The following ROBO2 variants were observed in gnomAD, a reference collection of about 807,000 sequenced individuals.
ROBO2 encodes the protein roundabout homolog 2.
ROBO2 carries 53 observed loss-of-function variants against 160.8 expected under a neutral mutation model. The observed-to-expected ratio is 0.33, with a 90% CI of 0.26 to 0.41. The LOEUF is 0.41. Among genes scored for constraint, ROBO2 ranks in the 10% least tolerant of loss-of-function variants. The pLI is 1.00. For missense variants in ROBO2, 1,577 were observed against 1,722.4 expected (o/e 0.92, Z 1.49); for synonymous variants, 664 against 611.7 (o/e 1.09, Z -1.26).
At chr3:77,213,282 C>T (rs1395340161) in intron 2 of ROBO2, among the ~76,000 whole-genome samples, 1 of 152,018 alleles carries the variant, frequency 6.6e-6, no homozygotes, top group Non-Finnish European at 1.5e-5. Flanking sequence ...TTCAGAGATT[C>T]AACTTCTTCC....
At chr3:77,389,260 C>T (rs1248992948) in intron 2 of ROBO2, among the ~76,000 whole-genome samples, 4 of 152,036 alleles carry the variant, frequency 2.6e-5, no homozygotes, top group African/African-American at 7.2e-5. Context: ...ATTTTTTTAA[C>T]CCACTTTCTT....
intron 2 of ROBO2, among the ~76,000 whole-genome samples, chr3:76,565,580 G>A (rs2084466058): frequency 6.6e-6 from 1 of 152,116 alleles, no homozygotes; most frequent in Non-Finnish European, 1.5e-5. Flanking sequence ...GAAACTTGTG[G>A]ATTTGCATTT....
chr3:76,704,185 CT>C (rs2093108428), intron 2 of ROBO2, among the ~76,000 whole-genome samples: 1 of 152,096 alleles, frequency 6.6e-6, no homozygotes, highest in Non-Finnish European at 1.5e-5. Context: ...TTTGACACAA[CT>C]TCTTCCCTCA....
chr3:76,711,731 G>C (rs1172865386), intron 2 of ROBO2, among the ~76,000 whole-genome samples: 3 of 152,086 alleles, frequency 2.0e-5, no homozygotes, highest in Non-Finnish European at 4.4e-5. Context: ...GCACCATGCT[G>C]CTTCTCACTT....
chr3:76,614,060 G>A (rs2088368369), intron 2 of ROBO2, among the ~76,000 whole-genome samples: 1 of 151,906 alleles, frequency 6.6e-6, no homozygotes, highest in Non-Finnish European at 1.5e-5. Context: ...ATACTATGGT[G>A]CAGGCAGATG....
chr3:77,007,598 G>T (rs1398107244), intron 2 of ROBO2, among the ~76,000 whole-genome samples: 1 of 152,022 alleles, frequency 6.6e-6, no homozygotes, highest in Non-Finnish European at 1.5e-5. Flanking sequence ...TTCTTAAAGG[G>T]ATTTTTGTAT....
At chr3:76,674,598 T>TCACACGCACA (rs1553863150) in intron 2 of ROBO2, among the ~76,000 whole-genome samples, 59 of 148,068 alleles carry the variant, frequency 4.0e-4, no homozygotes, top group African/African-American at 1.4e-3. Context: ...ACCTCCTAGT[T>TCACACGCACA]CACACACACA....
intron 2 of ROBO2, among the ~76,000 whole-genome samples, chr3:77,456,883 G>A (rs2081702420): frequency 6.6e-6 from 1 of 151,248 alleles, no homozygotes; most frequent in Non-Finnish European, 1.5e-5. Flanking sequence ...GTGTAGATAT[G>A]GCAATGTGAG....
At chr3:76,876,539 G>A (rs2072741867) in intron 2 of ROBO2, among the ~76,000 whole-genome samples, 1 of 152,116 alleles carries the variant, frequency 6.6e-6, no homozygotes, top group Non-Finnish European at 1.5e-5. Flanking sequence ...GCCAGGCATG[G>A]TGGTGCATGC....
intron 2 of ROBO2, among the ~76,000 whole-genome samples, chr3:77,008,638 A>T (rs2061708254): frequency 6.6e-6 from 1 of 152,178 alleles, no homozygotes; most frequent in Non-Finnish European, 1.5e-5. Flanking sequence ...AAGGCGATGC[A>T]GCATATACGT....
At chr3:76,549,666 G>A (rs1455743449) in intron 2 of ROBO2, among the ~76,000 whole-genome samples, 5 of 152,128 alleles carry the variant, frequency 3.3e-5, no homozygotes, top group Non-Finnish European at 5.9e-5. Flanking sequence ...CATCAATAAC[G>A]TAGTGACGCA....
At chr3:76,005,070 G>A (rs2065983062) in intron 2 of ROBO2, among the ~76,000 whole-genome samples, 1 of 152,172 alleles carries the variant, frequency 6.6e-6, no homozygotes, top group African/African-American at 2.4e-5. Flanking sequence ...CCATGAGATG[G>A]CACAGAAAGA....
intron 2 of ROBO2, among the ~76,000 whole-genome samples, chr3:76,132,394 T>TGGG (rs11457451): frequency 3.4e-4 from 11 of 32,412 alleles, no homozygotes; most frequent in Non-Finnish European, 1.3e-3. Flanking sequence ...TCCAGACTGT[T>TGGG]GGGGGGGGGG....
chr3:76,674,986 A>T (rs2092370964), intron 2 of ROBO2, among the ~76,000 whole-genome samples: 1 of 152,230 alleles, frequency 6.6e-6, no homozygotes, highest in Non-Finnish European at 1.5e-5. Context: ...AAAGCAAAGC[A>T]TAGTAGCTCC....
At chr3:76,456,808 A>G (rs745806146) in intron 2 of ROBO2, among the ~76,000 whole-genome samples, 2 of 152,174 alleles carry the variant, frequency 1.3e-5, no homozygotes, top group African/African-American at 4.8e-5. Flanking sequence ...AGGCCTCAAA[A>G]TCATGGTGGG....
At position 76,673,950 on chromosome 3, in the gene ROBO2, T is replaced by C. The variant is rs551977776; in HGVS notation, c.110-424064T>C. Among the ~76,000 whole-genome samples the C allele has an allele frequency of 2.0e-5, 3 of 152,150 alleles. No homozygotes were observed. In the East Asian group the frequency reaches 5.8e-4, roughly 29 times the overall value. On this transcript the variant is annotated intron_variant, in intron 2 of 26. Coordinates refer to the ROBO2 transcript ENST00000487694. ...TATGTAATAGAATAGAATGGATGAGTTGAAAATGTTTTAAATCTAATATGG... is the reference window on the plus strand; with the variant it reads ...TATGTAATAGAATAGAATGGATGAGCTGAAAATGTTTTAAATCTAATATGG...
intron 2 of ROBO2, among the ~76,000 whole-genome samples, chr3:77,205,062 C>T (rs1399679056): frequency 6.6e-6 from 1 of 152,144 alleles, no homozygotes; most frequent in African/African-American, 2.4e-5. Flanking sequence ...GGAGTGGATG[C>T]CTGGGGCTCC....
At position 76,679,643 on chromosome 3, in the gene ROBO2, G is replaced by C. The variant is rs115445810; in HGVS notation, c.110-418371G>C. On this transcript the variant is annotated intron_variant, in intron 2 of 26. Coordinates refer to the ROBO2 transcript ENST00000487694. ...CCTGCTATTTGGATACTTTATTCTA[G>C]AAGCTGTTAACAAAAATAACACTAT... Among the ~76,000 whole-genome samples the C allele has an allele frequency of 2.0e-3, 312 of 152,206 alleles. 1 individual carries two copies. The highest frequency in any genetic ancestry group is 3.8e-3 in the Non-Finnish European group (255 of 67,968).
intron 2 of ROBO2, among the ~76,000 whole-genome samples, chr3:76,160,897 C>G (rs139824035): frequency 8.6e-4 from 131 of 152,068 alleles, no homozygotes; most frequent in African/African-American, 3.1e-3. Flanking sequence ...TTTCAAGACC[C>G]CTCATATTTC....
Sources: gnomAD v4.1 joint callset for allele counts (sites outside exome capture counted in the v4.1 genomes callset) on GRCh38, gnomAD v4.1.1 for gene constraint, MANE v1.5 for transcripts, NCBI Gene and HGNC (gene_info 2026-07-23, HGNC 2026-07-21) for gene names.